ZNF654: variants seen among roughly 807,000 people sequenced by gnomAD.
ZNF654 encodes melanoma-associated antigen.
Under a neutral mutation model 95.3 loss-of-function variants are expected in ZNF654, and 19 were observed. That is an observed-to-expected ratio of 0.20 (90% CI 0.14 to 0.29). The LOEUF (loss-of-function observed/expected upper bound fraction) is 0.29, where lower values mean the gene tolerates loss of function less well. ZNF654 is among the 10% of genes least tolerant of loss of function. The pLI is 1.00. For synonymous variants in ZNF654, 413 were observed against 457.9 expected, an observed-to-expected ratio of 0.90 and a Z score of 1.25; for missense variants, 1,046 against 1,341.0, an observed-to-expected ratio of 0.78 and a Z score of 3.44.
intron 4 of ZNF654, among the ~76,000 whole-genome samples, chr3:88,128,315 AAT>A (rs1322712150): frequency 6.6e-6 from 1 of 152,118 alleles, no homozygotes; most frequent in Non-Finnish European, 1.5e-5. Flanking sequence ...CTTTAAATAA[AAT>A]ATATTTTTCT....
chr3:88,082,713 A>G (rs927809946), intron 1 of ZNF654, among the ~76,000 whole-genome samples: 2 of 152,230 alleles, frequency 1.3e-5, no homozygotes, highest in Non-Finnish European at 2.9e-5. Context: ...TTTCTTTGTT[A>G]CATTACAAAA....
intron 1 of ZNF654, among the ~76,000 whole-genome samples, chr3:88,067,886 CTTTT>C (rs76481798): frequency 7.2e-6 from 1 of 139,626 alleles, no homozygotes; most frequent in Non-Finnish European, 1.6e-5. Flanking sequence ...TCTTTTCTTT[CTTTT>C]TTTTTTTTTA....
chr3:88,088,909 A>C (rs1388708779), intron 2 of ZNF654, among the ~76,000 whole-genome samples: 1 of 151,574 alleles, frequency 6.6e-6, no homozygotes, highest in Non-Finnish European at 1.5e-5. Flanking sequence ...AGTAGCTGGG[A>C]TGACAGGCAC....
In ZNF654 at chr3:88,129,029, T is replaced by G; in HGVS notation, c.753+18T>G. 1 of 1,518,900 alleles carries G rather than the reference T, an allele frequency of 6.6e-7. No homozygotes were observed. The highest frequency in any genetic ancestry group is 2.5e-5 in the East Asian group (1 of 40,606). 94.1% of individuals were successfully genotyped at this position (1,518,900 alleles called of 1,614,324 possible). ...TCCGGGAGGTATTGTTTGAGACTAT[T>G]TTTGCCTATTACCATTTTAACCCTA... On this transcript the variant is annotated intron_variant, in intron 5 of 8. Coordinates refer to ENST00000636215, the MANE Select transcript of ZNF654 (RefSeq NM_001350134.2).
At chr3:88,093,811 T>C (rs1471734286) in intron 2 of ZNF654, among the ~76,000 whole-genome samples, 1 of 152,190 alleles carries the variant, frequency 6.6e-6, no homozygotes, top group Non-Finnish European at 1.5e-5. Context: ...GGAAATGACT[T>C]GGAAATAAAG....
At chr3:88,117,065 A>G (rs1273741458) in intron 3 of ZNF654, among the ~76,000 whole-genome samples, 2 of 152,192 alleles carry the variant, frequency 1.3e-5, no homozygotes, top group African/African-American at 4.8e-5. Flanking sequence ...TATAAGTGAA[A>G]TTGCAAAGAA....
rs1707253098 is a variant in ZNF654, at chr3:88,144,231, T to G, written c.*2579T>G. On this transcript the variant is annotated 3_prime_UTR_variant, in exon 9 of 9. Coordinates refer to ENST00000636215, the MANE Select transcript of ZNF654 (RefSeq NM_001350134.2). ...ACTTTGGGCTTTAGCCATATTCATT[T>G]TTTTGAAACCACCAATTATATAATA... The G allele has an allele frequency of 6.6e-6, 1 of 152,352 alleles. No homozygotes were observed. The highest frequency in any genetic ancestry group is 2.4e-5 in the African/African-American group (1 of 41,428). The allele number at this position is 152,352 out of a possible 1,614,324, so 9.4% of individuals were successfully genotyped here. A position where few individuals can be genotyped will look rare whatever the true frequency, so the allele number is the denominator to read the frequency against.
rs757285210 is a variant in ZNF654 at position 88,128,954 on chromosome 3, T to C, written c.696T>C (p.His232=). 2.0e-6 allele frequency: 3 copies of C among 1,535,314 alleles called. No individual in the cohort carries two copies. Among genetic ancestry groups the C allele is most frequent in the East Asian group, 2.4e-5 (1 of 40,878 alleles). The change falls in exon 5 of 9, where the codon CAT becomes CAC. Residue 232 remains histidine, a synonymous_variant. Coordinates refer to ENST00000636215, the MANE Select transcript of ZNF654 (RefSeq NM_001350134.2). ...AAATCAGTAAAGACTTATACTTCCA[T>C]CAAGCACTCTTCACATGTCTGTTTA... The part of the protein sequence containing the change: ...HPEISKDLYF[H]QALFTCLFMS...
At position 88,139,261 on chromosome 3, in the gene ZNF654, C is replaced by A; in HGVS notation, c.1592C>A (p.Thr531Lys). ...KGHINTKKNLTALSTSKVDHN... is the reference protein window; with the variant it reads ...KGHINTKKNLKALSTSKVDHN... ...CATATTAATACGAAGAAAAATCTTA[C>A]AGCTCTCAGTACTTCCAAAGTAGAT... Residue 531 changes from threonine (T) to lysine (K), a missense_variant, in exon 8 of 9, where the codon ACA (threonine) becomes AAA (lysine). Thr to Lys is a moderately conservative substitution (Grantham distance 78). Coordinates refer to ENST00000636215, the MANE Select transcript of ZNF654 (RefSeq NM_001350134.2). 1 of 1,533,862 alleles carries A rather than the reference C, an allele frequency of 6.5e-7. No individual in the cohort carries two copies. The highest frequency in any genetic ancestry group is 8.7e-7 in the Non-Finnish European group (1 of 1,147,098).
chr3:88,064,921 T>C (rs1436483015), intron 1 of ZNF654, among the ~76,000 whole-genome samples: 2 of 152,242 alleles, frequency 1.3e-5, no homozygotes, highest in Non-Finnish European at 2.9e-5. Context: ...CAGTCACTTA[T>C]TTACTTTTGA....
chr3:88,096,805 T>C (rs542446096), intron 2 of ZNF654, among the ~76,000 whole-genome samples: 2 of 152,240 alleles, frequency 1.3e-5, no homozygotes, highest in South Asian at 4.1e-4. Context: ...CATTTACCTG[T>C]CCCCTAGTTT....
rs559574706 is a variant in ZNF654, at chr3:88,086,907, C to T, written c.332+505C>T. On this transcript the variant is annotated intron_variant, in intron 2 of 8. Coordinates refer to ENST00000636215, the MANE Select transcript of ZNF654 (RefSeq NM_001350134.2). Reference sequence around the variant, plus strand: ...ACGCCATTCTCCTGCCTCAGCCTCCCAAGTAGCTGGGACTACAGGCGCCCG... The same window carrying T: ...ACGCCATTCTCCTGCCTCAGCCTCCTAAGTAGCTGGGACTACAGGCGCCCG... Among the ~76,000 whole-genome samples the T allele has an allele frequency of 3.9e-5, 6 of 152,112 alleles. No homozygotes were observed. In the South Asian group the frequency reaches 1.2e-3, roughly 32 times the overall value.
intron 2 of ZNF654, among the ~76,000 whole-genome samples, chr3:88,104,021 G>A (rs1245736457): frequency 6.6e-6 from 1 of 151,820 alleles, no homozygotes; most frequent in Non-Finnish European, 1.5e-5. Flanking sequence ...CTCGGCCTCT[G>A]CTGGGATTAC....
At chr3:88,070,250 T>C (rs1707429236) in intron 1 of ZNF654, among the ~76,000 whole-genome samples, 1 of 152,160 alleles carries the variant, frequency 6.6e-6, no homozygotes, top group South Asian at 2.1e-4. Flanking sequence ...TAACATTAAT[T>C]ATAATTAATG....
At chr3:88,091,051 C>T (rs1296140046) in intron 2 of ZNF654, among the ~76,000 whole-genome samples, 2 of 152,276 alleles carry the variant, frequency 1.3e-5, no homozygotes, top group South Asian at 4.1e-4. Context: ...CTATGGTATT[C>T]AGTACAGTAG....
intron 8 of ZNF654, among the ~76,000 whole-genome samples, chr3:88,141,295 A>G (rs1320154596): frequency 2.0e-5 from 3 of 151,834 alleles, no homozygotes; most frequent in African/African-American, 7.2e-5. Context: ...GAACTTGTGC[A>G]AGGCAGAACC....
At chr3:88,069,606 T>C (rs940231205) in intron 1 of ZNF654, among the ~76,000 whole-genome samples, 1 of 152,164 alleles carries the variant, frequency 6.6e-6, no homozygotes, top group Non-Finnish European at 1.5e-5. Context: ...CCTTATATAA[T>C]TGGCAAGCTT....
chr3:88,101,966 A>G (rs1292219666), intron 2 of ZNF654, among the ~76,000 whole-genome samples: 1 of 151,936 alleles, frequency 6.6e-6, no homozygotes, highest in East Asian at 1.9e-4. Flanking sequence ...GGCAAAATCT[A>G]TCAAATTTTT....
intron 7 of ZNF654, 150 bp from the exon 8 acceptor site, chr3:88,138,555 T>C (rs1706940005): frequency 2.3e-6 from 1 of 430,938 alleles, no homozygotes. Context: ...TTTAAAAGAG[T>C]TAAACAAGGC....
Sources: allele counts gnomAD v4.1 joint callset (sites outside exome capture counted in the v4.1 genomes callset), GRCh38; gene constraint gnomAD v4.1.1; transcripts MANE v1.5; gene names NCBI Gene and HGNC (gene_info 2026-07-23, HGNC 2026-07-21).